PRKCA: variants seen among roughly 807,000 people sequenced by gnomAD.
PRKCA encodes the protein protein kinase C alpha type.
A neutral mutation model predicts 87.0 loss-of-function variants in PRKCA; 27 were observed. The ratio of observed to expected loss-of-function variants is 0.31; its 90% CI spans 0.23 to 0.43. PRKCA has a LOEUF of 0.43. Among genes scored for constraint, PRKCA ranks in the 20% least tolerant of loss-of-function variants. The probability of loss-of-function intolerance (pLI) is 1.00; values close to 1 mark genes in which losing one functional copy is unlikely to be tolerated. For synonymous variants in PRKCA, 329 were observed against 311.1 expected (o/e 1.06, Z -0.61); for missense variants, 518 against 852.3 (o/e 0.61, Z 4.88).
chr17:66,496,655 G>A (rs967963566), intron 3 of PRKCA, among the ~76,000 whole-genome samples: 39 of 78,008 alleles, frequency 5.0e-4, no homozygotes, highest in African/African-American at 1.6e-3. Flanking sequence ...CACCCCTCCC[G>A]TCCTCTTCGA....
In PRKCA at chr17:66,767,517, A is replaced by G. The variant is rs527865340; in HGVS notation, c.1525-6470A>G. Among the ~76,000 whole-genome samples the G allele has an allele frequency of 8.5e-5, 13 of 152,292 alleles. No individual in the cohort carries two copies. The East Asian group carries it at 2.5e-3, about 29-fold the overall frequency. ...CTTGGTCAGGACAGGATTTGTAGAA[A>G]AGCTGAGATTGTGTGATTCACTTAC... On this transcript the variant is annotated intron_variant, in intron 13 of 16. Transcript: ENST00000413366.
At chr17:66,328,337 G>A (rs939662524) in intron 2 of PRKCA, among the ~76,000 whole-genome samples, 1 of 152,038 alleles carries the variant, frequency 6.6e-6, no homozygotes, top group Non-Finnish European at 1.5e-5. Flanking sequence ...GCCTCCCAAA[G>A]TGTTGGGATT....
intron 9 of PRKCA, among the ~76,000 whole-genome samples, chr17:66,733,917 T>G (rs1431958954): frequency 1.3e-5 from 2 of 152,234 alleles, no homozygotes; most frequent in Non-Finnish European, 2.9e-5. Flanking sequence ...GGTCTGCAGT[T>G]GCATCACAGA....
intron 8 of PRKCA, among the ~76,000 whole-genome samples, chr17:66,731,625 ACCTTTTG>A (rs1973895958): frequency 6.6e-6 from 1 of 151,592 alleles, no homozygotes; most frequent in Admixed American, 6.6e-5. Context: ...GAGCCCTTTT[ACCTTTTG>A]CCTTTGACAT....
At chr17:66,412,121 GA>G (rs1911847054) in intron 2 of PRKCA, among the ~76,000 whole-genome samples, 1 of 151,654 alleles carries the variant, frequency 6.6e-6, no homozygotes. Flanking sequence ...ACCCAGGCTG[GA>G]GTGCAGTGGC....
chr17:66,746,842 T>G (rs1406977600), intron 13 of PRKCA, among the ~76,000 whole-genome samples: 2 of 152,190 alleles, frequency 1.3e-5, no homozygotes, highest in African/African-American at 4.8e-5. Flanking sequence ...AAGGCTTCAT[T>G]TGGATTTAAT....
intron 2 of PRKCA, among the ~76,000 whole-genome samples, chr17:66,323,602 T>C (rs1338193003): frequency 6.6e-6 from 1 of 152,204 alleles, no homozygotes; most frequent in East Asian, 1.9e-4. Context: ...ACTGCTTCTG[T>C]GGGCAAGAAG....
chr17:66,555,643 C>T (rs1353847314), intron 3 of PRKCA, among the ~76,000 whole-genome samples: 1 of 152,116 alleles, frequency 6.6e-6, no homozygotes, highest in Non-Finnish European at 1.5e-5. Flanking sequence ...CTTTAAGAGC[C>T]ACTTACACTA....
chr17:66,544,825 T>C (rs983952165), intron 3 of PRKCA, among the ~76,000 whole-genome samples: 14 of 152,296 alleles, frequency 9.2e-5, no homozygotes, highest in African/African-American at 3.4e-4. Context: ...ACTCTTGACC[T>C]CAGGTGATCC....
intron 2 of PRKCA, among the ~76,000 whole-genome samples, chr17:66,352,425 G>A (rs1817141451): frequency 6.6e-6 from 1 of 152,106 alleles, no homozygotes; most frequent in Admixed American, 6.5e-5. Flanking sequence ...GACAGCCCAG[G>A]AGTTCTCTGC....
chr17:66,616,573 A>G lies in PRKCA; in HGVS notation c.289-24782A>G, dbSNP rs1160314355. The stretch of plus-strand genomic sequence containing the variant: ...TAAGGCACGAGGGCAAGTTCCATCC[A>G]TCTCTAAGAGCCATGCAGACTGAGG... On this transcript the variant is annotated intron_variant, in intron 3 of 16. Coordinates refer to ENST00000413366, the MANE Select transcript of PRKCA (RefSeq NM_002737.3). 3.9e-5 allele frequency among the ~76,000 whole-genome samples: 6 copies of G among 152,212 alleles called. 1 individual carries two copies. Among genetic ancestry groups the G allele is most frequent in the African/African-American group, 1.4e-4 (6 of 41,448 alleles).
intron 3 of PRKCA, among the ~76,000 whole-genome samples, chr17:66,550,969 T>C (rs1968309069): frequency 6.6e-6 from 1 of 152,238 alleles, no homozygotes. Flanking sequence ...ATGAGTTACA[T>C]GGGCGTTTAC....
At chr17:66,733,454 A>G (rs1430113609) in intron 9 of PRKCA, among the ~76,000 whole-genome samples, 1 of 152,222 alleles carries the variant, frequency 6.6e-6, no homozygotes, top group Non-Finnish European at 1.5e-5. Context: ...TATATGTAAC[A>G]TGCATCTTAT....
chr17:66,706,980 A>G (rs939201191), intron 8 of PRKCA, among the ~76,000 whole-genome samples: 1 of 152,188 alleles, frequency 6.6e-6, no homozygotes, highest in African/African-American at 2.4e-5. Flanking sequence ...AACAAAAGCA[A>G]AAGGGAGTGT....
chr17:66,735,436 C>T, intron 9 of PRKCA, 53 bp from the exon 10 acceptor site: 6 of 1,603,022 alleles, frequency 3.7e-6, no homozygotes, highest in Non-Finnish European at 5.1e-6. Context: ...CTTCCCTCTG[C>T]CCCCCAAGAT....
intron 2 of PRKCA, among the ~76,000 whole-genome samples, chr17:66,486,420 G>A (rs1915991966): frequency 6.6e-6 from 1 of 152,172 alleles, no homozygotes; most frequent in Admixed American, 6.6e-5. Flanking sequence ...TGGCTTCTGG[G>A]CCATCATGGG....
intron 2 of PRKCA, among the ~76,000 whole-genome samples, chr17:66,384,048 T>A (rs1316497328): frequency 1.3e-5 from 2 of 152,100 alleles, no homozygotes; most frequent in Admixed American, 1.3e-4. Context: ...TTTTTATGAG[T>A]TATTTGTGTA....
At chr17:66,319,908 A>AT (rs986512610) in intron 2 of PRKCA, among the ~76,000 whole-genome samples, 2 of 151,640 alleles carry the variant, frequency 1.3e-5, no homozygotes, top group African/African-American at 4.8e-5. Flanking sequence ...CACCTGACTA[A>AT]TTTTTTTGTA....
At chr17:66,477,120 C>T (rs944875351) in intron 2 of PRKCA, among the ~76,000 whole-genome samples, 3 of 152,114 alleles carry the variant, frequency 2.0e-5, no homozygotes, top group Admixed American at 2.0e-4. Flanking sequence ...AACTCTGGCC[C>T]ATTAGAAACC....
Sources: allele counts gnomAD v4.1 joint callset (sites outside exome capture counted in the v4.1 genomes callset), GRCh38; gene constraint gnomAD v4.1.1; transcripts MANE v1.5; gene names NCBI Gene and HGNC (gene_info 2026-07-23, HGNC 2026-07-21).